The following CNNM2 variants were observed in gnomAD, a reference collection of about 807,000 sequenced individuals.
The protein encoded by CNNM2 is cyclin and CBS domain divalent metal cation transport mediator 2.
In CNNM2, 12 loss-of-function variants were observed where a neutral mutation model predicts 66.9. The observed-to-expected ratio is 0.18, with a 90% confidence interval of 0.11 to 0.29. The LOEUF is 0.29. CNNM2 is among the 10% of genes least tolerant of loss of function. The pLI, the probability that CNNM2 is intolerant of heterozygous loss-of-function variation, is 1.00. For missense variants in CNNM2, 705 were observed against 1,167.7 expected (o/e 0.60, Z 5.77); for synonymous variants, 557 against 501.8 (o/e 1.11, Z -1.47).
At chr10:103,018,896 A>G (rs1258021936) in intron 1 of CNNM2, among the ~76,000 whole-genome samples, 1 of 150,070 alleles carries the variant, frequency 6.7e-6, no homozygotes, top group East Asian at 2.0e-4. Flanking sequence ...TGAACTTGTG[A>G]TCTACCACCT....
Position 103,070,453 on chromosome 10 carries a change from A to G in CNNM2, c.2168-1321A>G, listed in dbSNP as rs12570528. On this transcript the variant is annotated intron_variant, in intron 5 of 7. Coordinates refer to ENST00000369878, the MANE Select transcript of CNNM2 (RefSeq NM_017649.5). ...TGAAAGCATGAGGGGAAATGTGAGTATAGTAGAAAGGTGCCTGACTGTGAT... is the reference window on the plus strand; with the variant it reads ...TGAAAGCATGAGGGGAAATGTGAGTGTAGTAGAAAGGTGCCTGACTGTGAT... 0.21 allele frequency among the ~76,000 whole-genome samples: 31,456 copies of G among 152,214 alleles called. 3,379 individuals carry two copies. Among genetic ancestry groups the G allele is most frequent in the Non-Finnish European group, 0.22 (15,012 of 67,994 alleles).
intron 1 of CNNM2, among the ~76,000 whole-genome samples, chr10:103,028,341 C>T (rs1178792386): frequency 6.6e-6 from 1 of 152,142 alleles, no homozygotes; most frequent in Non-Finnish European, 1.5e-5. Flanking sequence ...CTTGACAACT[C>T]ATTGTATTTG....
chr10:103,021,568 C>T (rs917766740), intron 1 of CNNM2, among the ~76,000 whole-genome samples: 2 of 152,078 alleles, frequency 1.3e-5, no homozygotes, highest in Non-Finnish European at 2.9e-5. Context: ...CTGGCGCTTT[C>T]GCTCGATTTT....
At chr10:103,031,675 C>A (rs1050193730) in intron 1 of CNNM2, among the ~76,000 whole-genome samples, 1 of 151,944 alleles carries the variant, frequency 6.6e-6, no homozygotes, top group African/African-American at 2.4e-5. Flanking sequence ...GAGTGCAGTC[C>A]CAGGAAGCAG....
chr10:103,024,884 C>T (rs1161926551), intron 1 of CNNM2, among the ~76,000 whole-genome samples: 2 of 152,114 alleles, frequency 1.3e-5, no homozygotes, highest in Non-Finnish European at 2.9e-5. Flanking sequence ...TTTATCTATC[C>T]CATGTATTTC....
intron 1 of CNNM2, among the ~76,000 whole-genome samples, chr10:102,984,128 A>AAATG (rs1409213652): frequency 3.3e-5 from 5 of 152,264 alleles, no homozygotes; most frequent in Non-Finnish European, 5.9e-5. Context: ...AAGAGTTAAT[A>AAATG]AATGAATGCA....
chr10:103,060,894 G>A (rs1412726897), intron 4 of CNNM2, among the ~76,000 whole-genome samples: 2 of 151,992 alleles, frequency 1.3e-5, no homozygotes, highest in South Asian at 2.1e-4. Flanking sequence ...GTCCTAAATA[G>A]CAACTGAGTT....
intron 1 of CNNM2, among the ~76,000 whole-genome samples, chr10:102,960,961 T>C (rs371202638): frequency 9.9e-5 from 15 of 151,828 alleles, no homozygotes; most frequent in African/African-American, 3.1e-4. Flanking sequence ...TGGTGAGATC[T>C]TGGCTCACTC....
rs2065827646 is a variant in CNNM2 at position 103,087,140 on chromosome 10, A to ATTTTCTT, written c.*9964_*9965insCTTTTTT. ...TTCTCACGGTATAAAACTCCGCAGGATTTTTTTTTTTTTTTTTTTTTTTTT... is the reference window on the plus strand; with the variant it reads ...TTCTCACGGTATAAAACTCCGCAGGATTTTCTTTTTTTTTTTTTTTTTTTTTTTTTTT... On this transcript the variant is annotated 3_prime_UTR_variant, in exon 8 of 8. Coordinates refer to ENST00000369878, the MANE Select transcript of CNNM2 (RefSeq NM_017649.5). 1.3e-5 allele frequency: 1 copy of ATTTTCTT among 75,374 alleles called. No homozygotes were observed. Among genetic ancestry groups the ATTTTCTT allele is most frequent in the African/African-American group, 5.8e-5 (1 of 17,276 alleles). The allele number at this position is 75,374 out of a possible 1,614,324, so 4.7% of individuals were successfully genotyped here.
At chr10:103,060,406 C>T (rs938545060) in intron 4 of CNNM2, among the ~76,000 whole-genome samples, 1 of 151,940 alleles carries the variant, frequency 6.6e-6, no homozygotes, top group African/African-American at 2.4e-5. Flanking sequence ...TACAAAAATA[C>T]AAACATCAGC....
At chr10:102,948,658 T>C (rs1024007001) in intron 1 of CNNM2, among the ~76,000 whole-genome samples, 14 of 152,192 alleles carry the variant, frequency 9.2e-5, no homozygotes, top group Admixed American at 6.5e-5. Flanking sequence ...TGGGGGTACA[T>C]GAGCATGACA....
chr10:103,039,429 G>T (rs1323681181), intron 1 of CNNM2, among the ~76,000 whole-genome samples: 1 of 152,064 alleles, frequency 6.6e-6, no homozygotes, highest in Admixed American at 6.6e-5. Flanking sequence ...GACCGATTGC[G>T]CCTGGCCTCT....
intron 1 of CNNM2, among the ~76,000 whole-genome samples, chr10:102,960,722 C>A (rs1433685745): frequency 6.6e-6 from 1 of 150,844 alleles, no homozygotes; most frequent in Non-Finnish European, 1.5e-5. Flanking sequence ...CAGGCTCAAG[C>A]TATCCTCCCG....
intron 1 of CNNM2, among the ~76,000 whole-genome samples, chr10:102,994,216 C>T (rs1407605470): frequency 3.3e-5 from 5 of 152,170 alleles, no homozygotes; most frequent in African/African-American, 1.2e-4. Flanking sequence ...GGATTACAGG[C>T]GTGAGCTACC....
intron 4 of CNNM2, among the ~76,000 whole-genome samples, chr10:103,061,528 TTCTC>T (rs1021628207): frequency 2.0e-5 from 3 of 152,100 alleles, no homozygotes; most frequent in Admixed American, 1.3e-4. Context: ...GAAAAAAAAG[TTCTC>T]TCCTCTCCTA....
At chr10:103,004,179 A>G (rs1348024293) in intron 1 of CNNM2, among the ~76,000 whole-genome samples, 2 of 137,452 alleles carry the variant, frequency 1.5e-5, no homozygotes, top group Non-Finnish European at 3.0e-5. Flanking sequence ...ATTTTTTTGT[A>G]TTTAGTAGCA....
chr10:103,014,865 C>G (rs2064411675), intron 1 of CNNM2, among the ~76,000 whole-genome samples: 1 of 151,676 alleles, frequency 6.6e-6, no homozygotes. Context: ...GCACTGCAGC[C>G]TGGGTGGCAG....
chr10:102,954,083 G>A (rs1330804577), intron 1 of CNNM2, among the ~76,000 whole-genome samples: 1 of 151,074 alleles, frequency 6.6e-6, no homozygotes, highest in Non-Finnish European at 1.5e-5. Context: ...AAACCACTGT[G>A]CTATTTTCTA....
chr10:103,006,882 C>T (rs1184572276), intron 1 of CNNM2, among the ~76,000 whole-genome samples: 1 of 152,174 alleles, frequency 6.6e-6, no homozygotes, highest in African/African-American at 2.4e-5. Flanking sequence ...ATCCTTCTGC[C>T]TCAGCTGCTG....
Sources: gnomAD v4.1 joint callset for allele counts (sites outside exome capture counted in the v4.1 genomes callset) on GRCh38, gnomAD v4.1.1 for gene constraint, MANE v1.5 for transcripts, NCBI Gene and HGNC (gene_info 2026-07-23, HGNC 2026-07-21) for gene names.